GLIS3: variants seen among roughly 807,000 people sequenced by gnomAD.
The protein encoded by GLIS3 is GLIS family zinc finger 3.
A neutral mutation model predicts 78.6 loss-of-function variants in GLIS3; 53 were observed. The ratio of observed to expected loss-of-function variants is 0.67; its 90% CI spans 0.54 to 0.85. GLIS3 has a LOEUF of 0.85. Among genes scored for constraint, GLIS3 ranks in the 40% least tolerant of loss-of-function variants. GLIS3 has a pLI of 0.00. For synonymous variants in GLIS3, 684 were observed against 509.9 expected, an observed-to-expected ratio of 1.34 and a Z score of -4.60; for missense variants, 1,703 against 1,231.1, an observed-to-expected ratio of 1.38 and a Z score of -5.74.
At chr9:4,294,993 C>T (rs1037974272) in intron 1 of GLIS3, among the ~76,000 whole-genome samples, 6 of 152,100 alleles carry the variant, frequency 3.9e-5, no homozygotes, top group Non-Finnish European at 8.8e-5. Context: ...CTTATGGAAC[C>T]AGTTTAATTA....
intron 1 of GLIS3, among the ~76,000 whole-genome samples, chr9:4,288,899 A>G (rs1178586578): frequency 6.6e-6 from 1 of 152,206 alleles, no homozygotes; most frequent in Non-Finnish European, 1.5e-5. Flanking sequence ...ACATGAAAAT[A>G]TGGCGAATAT....
In GLIS3 at chr9:3,973,912, C is replaced by A. The variant is rs558014876; in HGVS notation, c.1711-36723G>T. ...CTTAATGTTGCTGCTGAAAGCTAAC[C>A]AAATTTTTTATTGTAATCTCAAGCC... On this transcript the variant is annotated intron_variant, in intron 4 of 10. Coordinates refer to ENST00000381971, the MANE Select transcript of GLIS3 (RefSeq NM_001042413.2). Among the ~76,000 whole-genome samples, 235 of 152,110 alleles carry A rather than the reference C, an allele frequency of 1.5e-3. 2 individuals carry two copies. Among genetic ancestry groups the A allele is most frequent in the African/African-American group, 5.4e-3 (226 of 41,510 alleles).
At chr9:4,412,585 T>C in the GLIS3 span, among the ~76,000 whole-genome samples, 1 of 152,298 alleles carries the variant, frequency 6.6e-6, no homozygotes, top group East Asian at 1.9e-4. Flanking sequence ...GAAACTAGGA[T>C]GGTATTTGGC....
At chr9:4,375,368 T>C in the GLIS3 span, among the ~76,000 whole-genome samples, 1 of 152,194 alleles carries the variant, frequency 6.6e-6, no homozygotes, top group Non-Finnish European at 1.5e-5. Flanking sequence ...AAAAGGGATA[T>C]ATCAAATTAT....
At chr9:3,870,847 A>G (rs1411072281) in intron 8 of GLIS3, among the ~76,000 whole-genome samples, 1 of 152,204 alleles carries the variant, frequency 6.6e-6, no homozygotes, top group Non-Finnish European at 1.5e-5. Flanking sequence ...TTCAAAACCA[A>G]TCATGCCTTC....
chr9:3,844,271 C>T (rs894010108), intron 9 of GLIS3, among the ~76,000 whole-genome samples: 5 of 152,106 alleles, frequency 3.3e-5, no homozygotes, highest in Admixed American at 1.3e-4. Context: ...ACATTTTTTT[C>T]TTCTTCTAAA....
Position 4,058,755 on chromosome 9 carries a change from C to A in GLIS3, c.1710+59013G>T, listed in dbSNP as rs552059685. Among the ~76,000 whole-genome samples the A allele has an allele frequency of 2.7e-3, 412 of 152,096 alleles. 1 individual carries two copies. The highest frequency in any genetic ancestry group is 5.6e-3 in the Admixed American group (86 of 15,276). On this transcript the variant is annotated intron_variant, in intron 4 of 10. Coordinates refer to ENST00000381971, the MANE Select transcript of GLIS3 (RefSeq NM_001042413.2). ...CAGCACTTTGGGAGGCCAAGGCGGG[C>A]GGATCACGAGGTCAGGAGATCGAGA...
upstream of GLIS3, among the ~76,000 whole-genome samples, chr9:4,349,111 A>G (rs1265346400): frequency 6.6e-6 from 1 of 152,220 alleles, no homozygotes; most frequent in Non-Finnish European, 1.5e-5. Flanking sequence ...ATCTAAGCTT[A>G]CTAAACATCA....
At chr9:4,027,890 AC>A (rs987627883) in intron 4 of GLIS3, among the ~76,000 whole-genome samples, 1 of 152,024 alleles carries the variant, frequency 6.6e-6, no homozygotes, top group Non-Finnish European at 1.5e-5. Flanking sequence ...TGGCTCTTAA[AC>A]CCCCTCAGCT....
chr9:4,008,919 G>A (rs1305826482), intron 4 of GLIS3, among the ~76,000 whole-genome samples: 2 of 152,052 alleles, frequency 1.3e-5, no homozygotes, highest in East Asian at 3.9e-4. Context: ...TAAAATTCAG[G>A]TCCCCTAACT....
the GLIS3 span, among the ~76,000 whole-genome samples, chr9:4,414,001 C>T: frequency 1.3e-5 from 2 of 151,988 alleles, no homozygotes; most frequent in Admixed American, 6.6e-5. Context: ...AGCTTAGAAG[C>T]CTCAGGCAAG....
At chr9:4,195,859 T>G (rs1198682170) in intron 2 of GLIS3, among the ~76,000 whole-genome samples, 5 of 152,238 alleles carry the variant, frequency 3.3e-5, no homozygotes, top group South Asian at 4.1e-4. Context: ...GTCTAGCTAA[T>G]CTAGTGAGGA....
the GLIS3 span, among the ~76,000 whole-genome samples, chr9:4,416,262 A>G: frequency 6.8e-6 from 1 of 147,240 alleles, no homozygotes; most frequent in Non-Finnish European, 1.5e-5. Context: ...TAAAAAAAAA[A>G]AAAAAAAAAA....
At chr9:4,400,176 C>G in the GLIS3 span, among the ~76,000 whole-genome samples, 3 of 152,158 alleles carry the variant, frequency 2.0e-5, no homozygotes, top group African/African-American at 7.2e-5. Context: ...TATCGCTTCT[C>G]GGCCTTTTGG....
At chr9:4,470,856 C>T in the GLIS3 span, among the ~76,000 whole-genome samples, 2 of 151,914 alleles carry the variant, frequency 1.3e-5, no homozygotes, top group Non-Finnish European at 1.5e-5. Flanking sequence ...TAGAAAACCC[C>T]ATTGTCTCAG....
At chr9:3,994,807 C>G (rs1820610165) in intron 4 of GLIS3, among the ~76,000 whole-genome samples, 1 of 152,128 alleles carries the variant, frequency 6.6e-6, no homozygotes. Context: ...TCTGATGCAG[C>G]ACATCTAAAA....
At chr9:4,340,360 G>C (rs1272990136) in intron 2 of GLIS3, among the ~76,000 whole-genome samples, 1 of 106,548 alleles carries the variant, frequency 9.4e-6, no homozygotes, top group East Asian at 2.8e-4. Context: ...CTTTTGAGCT[G>C]AATAGAAGTG....
chr9:3,999,531 T>TG (rs1820980139), intron 4 of GLIS3, among the ~76,000 whole-genome samples: 2 of 151,988 alleles, frequency 1.3e-5, no homozygotes, highest in African/African-American at 4.8e-5. Context: ...TAATATACCA[T>TG]GGGGGGAAAT....
the GLIS3 span, among the ~76,000 whole-genome samples, chr9:4,371,872 A>G: frequency 7.9e-5 from 12 of 152,326 alleles, no homozygotes; most frequent in African/African-American, 2.4e-4. Context: ...TCTTTTGAAT[A>G]TCACACAATA....
Sources: allele counts gnomAD v4.1 joint callset (sites outside exome capture counted in the v4.1 genomes callset), GRCh38; gene constraint gnomAD v4.1.1; transcripts MANE v1.5; gene names NCBI Gene and HGNC (gene_info 2026-07-23, HGNC 2026-07-21).